Variants in TBC1D22A observed in about 807,000 individuals in gnomAD.
TBC1D22A encodes putative GTPase activator.
Under a neutral mutation model 60.2 loss-of-function variants are expected in TBC1D22A, and 38 were observed. That is an observed-to-expected ratio of 0.63 (90% CI 0.49 to 0.83). The LOEUF is 0.83. TBC1D22A is among the 40% of genes least tolerant of loss of function. The pLI is 0.00. For missense variants in TBC1D22A, 628 were observed against 701.0 expected (o/e 0.90, Z 1.18); for synonymous variants, 302 against 281.7 (o/e 1.07, Z -0.72).
At chr22:47,128,700 T>C (rs1207236377) in intron 12 of TBC1D22A, among the ~76,000 whole-genome samples, 3 of 152,198 alleles carry the variant, frequency 2.0e-5, no homozygotes, top group Non-Finnish European at 2.9e-5. Flanking sequence ...AAAGAGCAGC[T>C]GGAACCCAAG....
rs546819799 is a variant in TBC1D22A, at chr22:46,856,755, A to G, written c.638-21898A>G. Among the ~76,000 whole-genome samples the G allele has an allele frequency of 2.6e-5, 4 of 152,366 alleles. No homozygotes were observed. The South Asian group carries it at 8.3e-4, about 32-fold the overall frequency. ...TGGGTCTGTTTCTTGATTTCCTGTC[A>G]GCAACAAATGGATATAGCTCTAATT... is the stretch of plus-strand genomic sequence containing the variant. On this transcript the variant is annotated intron_variant, in intron 4 of 12. Coordinates refer to ENST00000337137, the MANE Select transcript of TBC1D22A (RefSeq NM_014346.5).
intron 4 of TBC1D22A, among the ~76,000 whole-genome samples, chr22:46,805,996 G>A (rs2085115286): frequency 7.9e-6 from 1 of 127,160 alleles, no homozygotes; most frequent in South Asian, 2.6e-4. Flanking sequence ...GGGATTACAG[G>A]CACCCACCAC....
chr22:47,025,806 T>C (rs1207343381), intron 10 of TBC1D22A, among the ~76,000 whole-genome samples: 1 of 152,162 alleles, frequency 6.6e-6, no homozygotes, highest in Admixed American at 6.5e-5. Flanking sequence ...GGGAATCATA[T>C]AGTACTGAGT....
chr22:47,072,230 G>C (rs558485760), intron 11 of TBC1D22A, among the ~76,000 whole-genome samples: 1 of 152,338 alleles, frequency 6.6e-6, no homozygotes, highest in South Asian at 2.1e-4. Flanking sequence ...CAGGCCGGTG[G>C]AGGATGTGGA....
chr22:46,766,158 T>C (rs801635), intron 1 of TBC1D22A, among the ~76,000 whole-genome samples: 107,108 of 151,742 alleles, frequency 0.71, 38,049 homozygotes, highest in Middle Eastern at 0.83. Context: ...CCACCACACC[T>C]GGCTAATTTT....
chr22:47,132,955 C>T (rs145638125), intron 12 of TBC1D22A, among the ~76,000 whole-genome samples: 2 of 152,326 alleles, frequency 1.3e-5, no homozygotes, highest in African/African-American at 2.4e-5. Context: ...TCAGCCTCGC[C>T]GAAGGGCTCA....
chr22:46,934,903 A>T (rs1310929541), intron 8 of TBC1D22A, among the ~76,000 whole-genome samples: 1 of 152,178 alleles, frequency 6.6e-6, no homozygotes, highest in East Asian at 1.9e-4. Flanking sequence ...GCGTTTTCAC[A>T]AGGCCAGCTT....
chr22:46,766,005 G>GTGTA lies in TBC1D22A; in HGVS notation c.62+3158_62+3159insGTAT, dbSNP rs1360344195. On this transcript the variant is annotated intron_variant, in intron 1 of 12. Transcript: ENST00000337137. ...TGTGTGTGTGTGTGTGTGTGTGTGT[G>GTGTA]TATTTTTTTTGAGACGGAGTCTCAC... Among the ~76,000 whole-genome samples the GTGTA allele has an allele frequency of 2.5e-4, 35 of 138,454 alleles. 1 individual carries two copies. The highest frequency in any genetic ancestry group is 3.6e-3 in the Middle Eastern group (1 of 278). 90.8% of individuals were successfully genotyped at this position (138,454 alleles called of 152,430 possible).
At chr22:46,843,067 T>C (rs2086840153) in intron 4 of TBC1D22A, among the ~76,000 whole-genome samples, 1 of 152,104 alleles carries the variant, frequency 6.6e-6, no homozygotes, top group South Asian at 2.1e-4. Context: ...GGGAAATGGA[T>C]TTAGTTCCAT....
intron 10 of TBC1D22A, among the ~76,000 whole-genome samples, chr22:47,023,507 A>G (rs182894507): frequency 3.3e-5 from 5 of 152,354 alleles, no homozygotes; most frequent in African/African-American, 9.6e-5. Flanking sequence ...ATGAATGCCA[A>G]CCGAGCAGAA....
intron 5 of TBC1D22A, among the ~76,000 whole-genome samples, chr22:46,885,664 A>G (rs553331566): frequency 1.3e-5 from 2 of 152,136 alleles, no homozygotes; most frequent in South Asian, 4.2e-4. Flanking sequence ...AGCTTGTTTC[A>G]CTCAGGTCTG....
chr22:46,917,373 G>A (rs9616154), intron 8 of TBC1D22A, among the ~76,000 whole-genome samples: 10,383 of 152,262 alleles, frequency 0.068, 493 homozygotes, highest in Non-Finnish European at 0.11. Context: ...ACTCGCTGAC[G>A]GAGGACTGGG....
At chr22:47,092,825 C>T (rs1237491581) in intron 11 of TBC1D22A, among the ~76,000 whole-genome samples, 1 of 152,224 alleles carries the variant, frequency 6.6e-6, no homozygotes, top group Non-Finnish European at 1.5e-5. Context: ...CACAGTGGTT[C>T]TCTTCCCTTT....
intron 8 of TBC1D22A, among the ~76,000 whole-genome samples, chr22:46,924,578 C>T (rs915943661): frequency 1.3e-5 from 2 of 152,096 alleles, no homozygotes; most frequent in Admixed American, 6.5e-5. Context: ...AACCCCTTCT[C>T]TACTAAAAAT....
At chr22:46,954,204 A>T (rs540471622) in intron 8 of TBC1D22A, among the ~76,000 whole-genome samples, 1 of 152,352 alleles carries the variant, frequency 6.6e-6, no homozygotes, top group East Asian at 1.9e-4. Flanking sequence ...CCCCAGCCCC[A>T]GTCCCGCTCT....
chr22:46,908,882 G>A (rs1184872147), intron 7 of TBC1D22A, among the ~76,000 whole-genome samples: 1 of 152,152 alleles, frequency 6.6e-6, no homozygotes, highest in Non-Finnish European at 1.5e-5. Context: ...TGTCTCTCCC[G>A]AGGCTGTGCT....
intron 11 of TBC1D22A, among the ~76,000 whole-genome samples, chr22:47,086,688 A>G (rs771526621): frequency 2.6e-5 from 4 of 152,124 alleles, no homozygotes; most frequent in Non-Finnish European, 5.9e-5. Context: ...CCGTCAGCCT[A>G]TGGGGACTTT....
At chr22:46,998,859 C>G (rs183624038) in intron 10 of TBC1D22A, among the ~76,000 whole-genome samples, 1 of 152,324 alleles carries the variant, frequency 6.6e-6, no homozygotes, top group African/African-American at 2.4e-5. Flanking sequence ...TTTTTGCCTC[C>G]GTCAGTGCGT....
chr22:46,805,571 GTCT>G (rs1390231351), intron 4 of TBC1D22A, among the ~76,000 whole-genome samples: 1 of 152,158 alleles, frequency 6.6e-6, no homozygotes, highest in Non-Finnish European at 1.5e-5. Flanking sequence ...CAGGGCAGGC[GTCT>G]TCTTACTGGG....
Sources: allele counts gnomAD v4.1 joint callset (sites outside exome capture counted in the v4.1 genomes callset), GRCh38; gene constraint gnomAD v4.1.1; transcripts MANE v1.5; gene names NCBI Gene and HGNC (gene_info 2026-07-23, HGNC 2026-07-21).